Variants in MEIOB observed in about 807,000 individuals in gnomAD.
The protein encoded by MEIOB is meiosis specific with OB-fold, also known as meiosis-specific with OB domain-containing protein.
Under a neutral mutation model 53.1 loss-of-function variants are expected in MEIOB, and 50 were observed. That is an observed-to-expected ratio of 0.94 (90% CI 0.75 to 1.19). MEIOB has a LOEUF of 1.19. Among genes scored for constraint, MEIOB ranks in the 50% most tolerant of loss-of-function variants. MEIOB has a pLI of 0.00. For missense variants in MEIOB, 551 were observed against 550.8 expected (o/e 1.00, Z 0.00); for synonymous variants, 192 against 182.5 (o/e 1.05, Z -0.42).
chr16:1,857,914 G>C lies in MEIOB; in HGVS notation c.349C>G (p.Leu117Val), dbSNP rs1899349182. 1 of 1,546,526 alleles carries C rather than the reference G, an allele frequency of 6.5e-7. No homozygotes were observed. The highest frequency in any genetic ancestry group is 1.4e-5 in the African/African-American group (1 of 73,064). The stretch of plus-strand genomic sequence containing the variant: ...TTTACTGTTGAGTGATTCTCACTGA[G>C]CAACAGTTTACAGTTGCTAAATTGC... The part of the protein sequence containing the change: ...PATPSNCKLL[L>V]SENHSTVKVC... The change falls in exon 6 of 14, where the codon CTC becomes GTC. Residue 117 changes from leucine (L) to valine (V), a missense_variant. Leu to Val is a conservative substitution (Grantham distance 32, BLOSUM62 1). Coordinates refer to ENST00000325962, the MANE Select transcript of MEIOB (RefSeq NM_001163560.3).
intron 13 of MEIOB, 119 bp downstream of exon 13, chr16:1,837,665 C>T (rs1462163696): frequency 3.6e-6 from 2 of 551,414 alleles, no homozygotes; most frequent in South Asian, 3.5e-5. Flanking sequence ...TCCTTATGCA[C>T]ATCTGGGAAC....
chr16:1,855,159 A>T (rs5006378), intron 6 of MEIOB, among the ~76,000 whole-genome samples: 4 of 152,050 alleles, frequency 2.6e-5, no homozygotes, highest in African/African-American at 4.8e-5. Context: ...AGTGGCCGGG[A>T]GGGGTGGCTC....
Position 1,839,401 on chromosome 16 carries a change from T to C in MEIOB, c.1072A>G (p.Met358Val), listed in dbSNP as rs763807926. 1.2e-6 allele frequency: 2 copies of C among 1,613,366 alleles called. No individual in the cohort carries two copies. Among genetic ancestry groups the C allele is most frequent in the Non-Finnish European group, 1.7e-6 (2 of 1,179,760 alleles). The part of the protein sequence containing the change: ...CGYIVNEASN[M>V]CTTCNKNSLD... ...GAGTTTTTGTTGCAAGTTGTGCACA[T>C]GTTAGATGCTTCATTTACAATATAA... Residue 358 changes from methionine to valine, a missense_variant, in exon 12 of 14, where the codon ATG (methionine) becomes GTG (valine). By Grantham distance (21) the Met-to-Val change is conservative (BLOSUM62 1). Coordinates refer to ENST00000325962, the MANE Select transcript of MEIOB (RefSeq NM_001163560.3).
intron 2 of MEIOB, among the ~76,000 whole-genome samples, chr16:1,866,304 T>C (rs1285444408): frequency 6.6e-6 from 1 of 152,242 alleles, no homozygotes; most frequent in Non-Finnish European, 1.5e-5. Flanking sequence ...AACTTATATT[T>C]TGCTGCTAAT....
At chr16:1,868,989 T>C (rs1292494535) in intron 1 of MEIOB, among the ~76,000 whole-genome samples, 1 of 152,170 alleles carries the variant, frequency 6.6e-6, no homozygotes, top group Non-Finnish European at 1.5e-5. Context: ...ATGTTCAGAA[T>C]GTCCTTTTAT....
intron 4 of MEIOB, among the ~76,000 whole-genome samples, chr16:1,861,312 C>G (rs908838788): frequency 1.3e-5 from 2 of 152,080 alleles, no homozygotes; most frequent in Non-Finnish European, 2.9e-5. Context: ...ATTTAAATAT[C>G]AGTTTTTATC....
rs3045430 is a variant in MEIOB, at chr16:1,856,759, CTTTTTTTTTT to C, written c.528+966_528+975del. Among the ~76,000 whole-genome samples the C allele has an allele frequency of 1.3e-4, 11 of 84,198 alleles. 1 individual carries two copies. In the Admixed American group the frequency reaches 1.4e-3, roughly 11 times the overall value. 55.2% of individuals were successfully genotyped at this position (84,198 alleles called of 152,430 possible). On this transcript the variant is annotated intron_variant, in intron 6 of 13. Coordinates refer to ENST00000325962, the MANE Select transcript of MEIOB (RefSeq NM_001163560.3). ...ACAGGCATGAGCCACCACGCCAGGC[CTTTTTTTTTT>C]TTTTTTTTTTTTGAGACAGGGTCTC...
intron 3 of MEIOB, among the ~76,000 whole-genome samples, chr16:1,864,086 AG>A (rs1899524316): frequency 6.6e-6 from 1 of 152,210 alleles, no homozygotes. Flanking sequence ...CCCAGGGTTG[AG>A]GCTGCAGTGA....
chr16:1,871,315 G>T (rs1376373839), intron 1 of MEIOB, among the ~76,000 whole-genome samples: 1 of 141,364 alleles, frequency 7.1e-6, no homozygotes, highest in Non-Finnish European at 1.5e-5. Context: ...CGCCTCCCGG[G>T]TTCACGCCAT....
chr16:1,850,162 T>G (rs1294636012), intron 9 of MEIOB, among the ~76,000 whole-genome samples: 1 of 152,250 alleles, frequency 6.6e-6, no homozygotes, highest in Non-Finnish European at 1.5e-5. Flanking sequence ...TTGAGTTTTT[T>G]ATACCATTGT....
intron 4 of MEIOB, 117 bp downstream of exon 4, chr16:1,861,868 A>T: frequency 2.7e-6 from 3 of 1,102,902 alleles, no homozygotes; most frequent in African/African-American, 1.6e-5. Flanking sequence ...TTTTTCTGAT[A>T]AAGTTCTTGA....
chr16:1,853,007 A>G (rs1899209467), intron 9 of MEIOB, 32 bp downstream of exon 9: 1 of 1,303,894 alleles, frequency 7.7e-7, no homozygotes, highest in Admixed American at 1.8e-5. Context: ...AGTCATTTCC[A>G]AAGGGATAAA....
At chr16:1,840,330 T>C (rs1242562400) in intron 11 of MEIOB, 5 of 151,812 alleles carry the variant, frequency 3.3e-5, no homozygotes, top group Admixed American at 3.3e-4. Flanking sequence ...AATTCAGAGG[T>C]CAATATCTTG....
Position 1,862,850 on chromosome 16 carries a change from G to A in MEIOB, c.128-734C>T, listed in dbSNP as rs574707000. On this transcript the variant is annotated intron_variant, in intron 3 of 13. Transcript: ENST00000325962. ...GGAGAATCGCTTGAACCCAGGAGGC[G>A]GAGGTTGCAGTGAGCCGAGATCCAG... 4.5e-3 allele frequency among the ~76,000 whole-genome samples: 680 copies of A among 151,700 alleles called. 1 individual carries two copies. Among genetic ancestry groups the A allele is most frequent in the Non-Finnish European group, 7.1e-3 (480 of 67,898 alleles).
intron 9 of MEIOB, among the ~76,000 whole-genome samples, chr16:1,852,747 G>A (rs1480594146): frequency 6.6e-6 from 1 of 151,700 alleles, no homozygotes; most frequent in Non-Finnish European, 1.5e-5. Context: ...GTAGAGACTG[G>A]GTTTCACCAT....
At chr16:1,868,222 A>G (rs1899643787) in intron 1 of MEIOB, 38 bp from the exon 2 acceptor site, 2 of 1,035,290 alleles carry the variant, frequency 1.9e-6, no homozygotes, top group Admixed American at 2.2e-5. Flanking sequence ...ATATAAATTG[A>G]ATAAATGAAA....
intron 2 of MEIOB, among the ~76,000 whole-genome samples, chr16:1,866,523 C>T (rs185669007): frequency 3.9e-5 from 6 of 151,954 alleles, no homozygotes; most frequent in African/African-American, 1.2e-4. Flanking sequence ...GAGTTTGAGA[C>T]CAGTCTGACC....
intron 10 of MEIOB, among the ~76,000 whole-genome samples, chr16:1,844,100 T>A (rs1898976331): frequency 6.6e-6 from 1 of 151,894 alleles, no homozygotes. Context: ...TGGGGCTCTT[T>A]GTTGCATTCT....
intron 7 of MEIOB, 28 bp downstream of exon 7, chr16:1,854,070 TCA>T (rs2142089902): frequency 3.8e-6 from 5 of 1,320,234 alleles, no homozygotes; most frequent in Non-Finnish European, 5.3e-6. Flanking sequence ...TACAGGGATT[TCA>T]CAGTTTGGAA....
Sources: allele counts gnomAD v4.1 joint callset (sites outside exome capture counted in the v4.1 genomes callset), GRCh38; gene constraint gnomAD v4.1.1; transcripts MANE v1.5; gene names NCBI Gene and HGNC (gene_info 2026-07-23, HGNC 2026-07-21).